The following SPON1 variants were observed in gnomAD, a reference collection of about 807,000 sequenced individuals.
SPON1 encodes spondin 1, also known as spondin-1.
SPON1 carries 52 observed loss-of-function variants against 111.7 expected under a neutral mutation model. The observed-to-expected ratio is 0.47, with a 90% confidence interval of 0.37 to 0.59. The LOEUF (loss-of-function observed/expected upper bound fraction) is 0.59, where lower values mean the gene tolerates loss of function less well. Among genes scored for constraint, SPON1 ranks in the 20% least tolerant of loss-of-function variants. SPON1 has a pLI of 0.00. For synonymous variants in SPON1, 410 were observed against 395.8 expected (o/e 1.04, Z -0.43); for missense variants, 957 against 1,068.5 (o/e 0.90, Z 1.46).
At chr11:14,033,787 T>G (rs1176321038) in intron 2 of SPON1, among the ~76,000 whole-genome samples, 1 of 152,154 alleles carries the variant, frequency 6.6e-6, no homozygotes, top group Non-Finnish European at 1.5e-5. Context: ...ATTGGGGAAA[T>G]CAAACCTTGT....
At chr11:14,172,542 T>C in intron 6 of SPON1, among the ~76,000 whole-genome samples, 1 of 151,934 alleles carries the variant, frequency 6.6e-6, no homozygotes, top group South Asian at 2.1e-4. Flanking sequence ...ATTATGATGT[T>C]AGCTGGTTAT....
rs907942098 is a variant in SPON1 at position 13,982,965 on chromosome 11, C to T, written c.345+12C>T. The T allele has an allele frequency of 9.2e-6, 14 of 1,522,314 alleles. No individual in the cohort carries two copies. In the African/African-American group the frequency reaches 1.5e-4, roughly 17 times the overall value. 94.3% of individuals were successfully genotyped at this position (1,522,314 alleles called of 1,614,324 possible). On this transcript the variant is annotated intron_variant, in intron 2 of 15. Coordinates refer to ENST00000576479, the MANE Select transcript of SPON1 (RefSeq NM_006108.4). ...CTGGGACCTTCCAGGTAAGACCCTGCCTGGGCTTATTCAGTGGCCCTCCCT... is the reference window on the plus strand; with the variant it reads ...CTGGGACCTTCCAGGTAAGACCCTGTCTGGGCTTATTCAGTGGCCCTCCCT...
chr11:14,221,309 G>C (rs1431630807), intron 6 of SPON1, among the ~76,000 whole-genome samples: 2 of 152,066 alleles, frequency 1.3e-5, no homozygotes, highest in African/African-American at 4.8e-5. Context: ...TTCTTCTCGA[G>C]AATTCAGAAG....
chr11:14,160,423 A>T (rs189093962), intron 6 of SPON1, among the ~76,000 whole-genome samples: 509 of 10,386 alleles, frequency 0.049, 40 homozygotes, highest in East Asian at 0.17. Context: ...ATATTTATAT[A>T]TATATATTTA....
chr11:14,127,519 T>A (rs560057856), intron 5 of SPON1, among the ~76,000 whole-genome samples: 55 of 152,292 alleles, frequency 3.6e-4, no homozygotes, highest in African/African-American at 1.3e-3. Context: ...TCCCTGGGTA[T>A]GTCCTACCAA....
rs150763844 is a variant in SPON1 at position 13,983,342 on chromosome 11, G to T, written c.345+389G>T. Among the ~76,000 whole-genome samples the T allele has an allele frequency of 3.0e-3, 458 of 152,342 alleles. 1 individual carries two copies. Among genetic ancestry groups the T allele is most frequent in the African/African-American group, 0.01 (433 of 41,572 alleles). On this transcript the variant is annotated intron_variant, in intron 2 of 15. Transcript: ENST00000576479. ...GCTCGGGACCGCCAGGCTGGAGGGAGTTCAAAGCACAGGAGAAGGACTATT... is the reference window on the plus strand; with the variant it reads ...GCTCGGGACCGCCAGGCTGGAGGGATTTCAAAGCACAGGAGAAGGACTATT...
intron 2 of SPON1, among the ~76,000 whole-genome samples, chr11:14,032,978 G>T (rs1848569969): frequency 6.6e-6 from 1 of 152,144 alleles, no homozygotes; most frequent in Non-Finnish European, 1.5e-5. Flanking sequence ...CACTATCCCT[G>T]ATAGGAAACT....
At chr11:14,224,300 G>A (rs1848713360) in intron 6 of SPON1, among the ~76,000 whole-genome samples, 1 of 152,124 alleles carries the variant, frequency 6.6e-6, no homozygotes, top group African/African-American at 2.4e-5. Flanking sequence ...TACCTTGGAA[G>A]CACAGAGGAA....
intron 6 of SPON1, among the ~76,000 whole-genome samples, chr11:14,167,474 C>G (rs537321140): frequency 2.7e-5 from 4 of 147,878 alleles, no homozygotes; most frequent in Non-Finnish European, 6.0e-5. Context: ...CTCTCTCCTC[C>G]CCTTTTTTTC....
At chr11:14,182,507 C>T (rs542672528) in intron 6 of SPON1, among the ~76,000 whole-genome samples, 1 of 152,250 alleles carries the variant, frequency 6.6e-6, no homozygotes, top group South Asian at 2.1e-4. Context: ...TCATCACATT[C>T]CTAGCAGATA....
chr11:13,976,575 G>A (rs1554909071), intron 1 of SPON1, among the ~76,000 whole-genome samples: 1 of 152,168 alleles, frequency 6.6e-6, no homozygotes, highest in African/African-American at 2.4e-5. Context: ...TAGCTTTCTA[G>A]AACCTACAGG....
intron 1 of SPON1, among the ~76,000 whole-genome samples, chr11:13,972,528 T>C (rs1457403477): frequency 6.6e-6 from 1 of 152,210 alleles, no homozygotes; most frequent in Non-Finnish European, 1.5e-5. Context: ...TGTAAGTCTT[T>C]ATCAATGAAG....
intron 1 of SPON1, among the ~76,000 whole-genome samples, chr11:13,978,685 CAG>C (rs1352880892): frequency 1.3e-5 from 2 of 152,136 alleles, no homozygotes; most frequent in African/African-American, 2.4e-5. Flanking sequence ...ATGGGGAAAT[CAG>C]AGGAAACATC....
chr11:14,007,941 A>G (rs1288153318), intron 2 of SPON1, among the ~76,000 whole-genome samples: 1 of 152,134 alleles, frequency 6.6e-6, no homozygotes, highest in Non-Finnish European at 1.5e-5. Flanking sequence ...GATACATATG[A>G]TTGCATTTAA....
At chr11:14,152,111 G>A (rs1554929961) in intron 6 of SPON1, among the ~76,000 whole-genome samples, 2 of 152,152 alleles carry the variant, frequency 1.3e-5, no homozygotes, top group Admixed American at 6.5e-5. Flanking sequence ...CTGAGCTGGG[G>A]TGTAGTCTGG....
At chr11:13,993,986 G>A (rs1253266722) in intron 2 of SPON1, among the ~76,000 whole-genome samples, 1 of 152,194 alleles carries the variant, frequency 6.6e-6, no homozygotes, top group Non-Finnish European at 1.5e-5. Flanking sequence ...GAGAAGAGCA[G>A]ATCAATACCA....
intron 6 of SPON1, among the ~76,000 whole-genome samples, chr11:14,218,942 C>T (rs1417590436): frequency 1.3e-5 from 2 of 152,198 alleles, no homozygotes; most frequent in Non-Finnish European, 2.9e-5. Flanking sequence ...CTGCTCTGGG[C>T]TGCAGAAAAA....
chr11:14,179,911 G>A (rs1454371197), intron 6 of SPON1, among the ~76,000 whole-genome samples: 1 of 151,968 alleles, frequency 6.6e-6, no homozygotes, highest in African/African-American at 2.4e-5. Context: ...AAATGTATTT[G>A]TCTCTACTTC....
chr11:14,119,121 T>C (rs1183573288), intron 5 of SPON1, among the ~76,000 whole-genome samples: 1 of 152,286 alleles, frequency 6.6e-6, no homozygotes, highest in Non-Finnish European at 1.5e-5. Flanking sequence ...ACTGCCTTTT[T>C]TCTAATCCCC....
Sources: gnomAD v4.1 joint callset for allele counts (sites outside exome capture counted in the v4.1 genomes callset) on GRCh38, gnomAD v4.1.1 for gene constraint, MANE v1.5 for transcripts, NCBI Gene and HGNC (gene_info 2026-07-23, HGNC 2026-07-21) for gene names.